Variants in PRKG1 observed in about 807,000 individuals in gnomAD.
PRKG1 encodes the protein protein kinase cGMP-dependent 1.
In PRKG1, 35 loss-of-function variants were observed where a neutral mutation model predicts 88.1. The observed-to-expected ratio is 0.40, with a 90% confidence interval of 0.30 to 0.53. The LOEUF (loss-of-function observed/expected upper bound fraction) is 0.53. Ranked by LOEUF, PRKG1 falls within the 20% of genes least tolerant of loss-of-function variation. PRKG1 has a pLI of 0.59. For missense variants in PRKG1, 540 were observed against 839.8 expected (o/e 0.64, Z 4.41); for synonymous variants, 303 against 292.5 (o/e 1.04, Z -0.37).
At chr10:52,024,422 T>C (rs2133197945) in intron 5 of PRKG1, among the ~76,000 whole-genome samples, 1 of 152,304 alleles carries the variant, frequency 6.6e-6, no homozygotes, top group South Asian at 2.1e-4. Flanking sequence ...GTTGGTTTGC[T>C]GCATTCATTA....
intron 3 of PRKG1, among the ~76,000 whole-genome samples, chr10:51,479,798 A>T (rs1269880434): frequency 6.6e-6 from 1 of 152,018 alleles, no homozygotes; most frequent in African/African-American, 2.4e-5. Flanking sequence ...GTGTCTTTCT[A>T]AAGATATGTT....
chr10:52,220,311 TCTC>T (rs755222170), intron 9 of PRKG1, among the ~76,000 whole-genome samples: 8 of 152,098 alleles, frequency 5.3e-5, no homozygotes, highest in African/African-American at 1.9e-4. Context: ...AGTGGGCCCT[TCTC>T]CTAACAACTA....
chr10:51,863,555 T>G (rs994684428), intron 4 of PRKG1, among the ~76,000 whole-genome samples: 9 of 152,180 alleles, frequency 5.9e-5, no homozygotes, highest in African/African-American at 9.7e-5. Flanking sequence ...TGCTAGAAAT[T>G]TAATACCCAA....
intron 1 of PRKG1, among the ~76,000 whole-genome samples, chr10:51,063,860 A>G (rs944568698): frequency 6.6e-6 from 1 of 152,210 alleles, no homozygotes; most frequent in East Asian, 1.9e-4. Context: ...AGAGGGTGCA[A>G]TTGTACCTTT....
chr10:50,991,193 GAAGCGGAT>G lies in PRKG1; in HGVS notation c.-185_-178del. On this transcript the variant is annotated 5_prime_UTR_variant, in exon 1 of 18. Transcript: ENST00000401604. The surrounding 1 kb of genome is among the most constrained non-coding windows in gnomAD (Gnocchi z 4.5). Reference sequence around the variant, plus strand: ...CTCGGTGCTTTTAGTCCATTCAGCAGAAGCGGATCGAAGCAGGAGGCTCCCCGCGCCGC... The same window carrying G: ...CTCGGTGCTTTTAGTCCATTCAGCAGCGAAGCAGGAGGCTCCCCGCGCCGC... 1.3e-6 allele frequency: 1 copy of G among 777,972 alleles called. No individual in the cohort carries two copies. The highest frequency in any genetic ancestry group is 1.9e-6 in the Non-Finnish European group (1 of 516,164). The allele number at this position is 777,972 out of a possible 1,614,324, so 48.2% of individuals were successfully genotyped here.
chr10:51,959,597 G>C lies in PRKG1; in HGVS notation c.762+52027G>C, dbSNP rs559711965. Among the ~76,000 whole-genome samples, 17 of 152,240 alleles carry C rather than the reference G, an allele frequency of 1.1e-4. No homozygotes were observed. In the East Asian group the frequency reaches 3.3e-3, roughly 29 times the overall value. ...TCACTGCTCCAGTTGGGTTTATTCA[G>C]TCTGTTGAGTGAGATCTAGGCAGTG... is the stretch of plus-strand genomic sequence containing the variant. On this transcript the variant is annotated intron_variant, in intron 5 of 17. Coordinates refer to ENST00000373980, the MANE Select transcript of PRKG1 (RefSeq NM_006258.4).
At chr10:51,735,822 A>T (rs973801606) in intron 3 of PRKG1, among the ~76,000 whole-genome samples, 2 of 145,678 alleles carry the variant, frequency 1.4e-5, no homozygotes, top group African/African-American at 5.0e-5. Flanking sequence ...CTGGTTGTGT[A>T]ACCCATGGAT....
At chr10:51,138,444 C>A (rs774849461) in intron 1 of PRKG1, among the ~76,000 whole-genome samples, 17 of 152,062 alleles carry the variant, frequency 1.1e-4, no homozygotes, top group Non-Finnish European at 2.4e-4. Context: ...CTATTGCCTG[C>A]CTTTCTGCAA....
At chr10:51,572,127 T>C (rs1837772588) in intron 3 of PRKG1, among the ~76,000 whole-genome samples, 1 of 151,934 alleles carries the variant, frequency 6.6e-6, no homozygotes, top group African/African-American at 2.4e-5. Flanking sequence ...TTTGCTTTAT[T>C]GATGGTTCCA....
chr10:51,299,516 C>T, intron 2 of PRKG1: 1 of 466,706 alleles, frequency 2.1e-6, no homozygotes, highest in South Asian at 1.5e-5. Context: ...TCTTTTTGCT[C>T]ATTCTTTAAA....
chr10:51,960,014 A>G (rs1480805223), intron 5 of PRKG1, among the ~76,000 whole-genome samples: 1 of 152,072 alleles, frequency 6.6e-6, no homozygotes, highest in East Asian at 1.9e-4. Context: ...ATATTCTCCT[A>G]GTAGAATCTA....
At chr10:51,963,739 C>T (rs1006601260) in intron 5 of PRKG1, among the ~76,000 whole-genome samples, 12 of 152,178 alleles carry the variant, frequency 7.9e-5, no homozygotes, top group Middle Eastern at 3.4e-3. Flanking sequence ...TGAGGCACTG[C>T]GCCAGCCTCA....
chr10:51,687,927 A>G (rs1329484630), intron 3 of PRKG1, among the ~76,000 whole-genome samples: 1 of 152,210 alleles, frequency 6.6e-6, no homozygotes, highest in African/African-American at 2.4e-5. Context: ...TTATCTGTGA[A>G]GGAACAAGAT....
chr10:51,110,073 C>T (rs994818393), intron 1 of PRKG1, among the ~76,000 whole-genome samples: 19 of 152,054 alleles, frequency 1.2e-4, no homozygotes, highest in South Asian at 4.1e-4. Context: ...TCAGAAGAAA[C>T]GAACTTATAC....
At chr10:51,132,514 T>G (rs1845590890) in intron 1 of PRKG1, among the ~76,000 whole-genome samples, 1 of 151,972 alleles carries the variant, frequency 6.6e-6, no homozygotes, top group South Asian at 2.1e-4. Flanking sequence ...AAGGTTAAAC[T>G]TTATTATTAA....
intron 5 of PRKG1, among the ~76,000 whole-genome samples, chr10:51,944,329 T>C (rs1842976613): frequency 6.6e-6 from 1 of 152,078 alleles, no homozygotes; most frequent in South Asian, 2.1e-4. Flanking sequence ...ATTGCGCCTA[T>C]TTGATTCTTT....
chr10:52,138,519 A>G (rs1316899630), intron 8 of PRKG1, among the ~76,000 whole-genome samples: 1 of 152,066 alleles, frequency 6.6e-6, no homozygotes, highest in Non-Finnish European at 1.5e-5. Flanking sequence ...GAATCACTCC[A>G]GGTGATTCTT....
intron 10 of PRKG1, among the ~76,000 whole-genome samples, chr10:52,262,972 T>A (rs898429927): frequency 3.9e-5 from 6 of 152,128 alleles, no homozygotes; most frequent in African/African-American, 1.4e-4. Context: ...GTATTTTCAA[T>A]CCTTGGTTGT....
chr10:51,887,145 C>T (rs1473710084), intron 4 of PRKG1, among the ~76,000 whole-genome samples: 3 of 152,094 alleles, frequency 2.0e-5, no homozygotes, highest in African/African-American at 7.2e-5. Context: ...ACACCATGCC[C>T]AGTTAATTTT....
Sources: allele counts gnomAD v4.1 joint callset (sites outside exome capture counted in the v4.1 genomes callset), GRCh38; gene constraint gnomAD v4.1.1; non-coding constraint Gnocchi (gnomAD v3.1); transcripts MANE v1.5; gene names NCBI Gene and HGNC (gene_info 2026-07-23, HGNC 2026-07-21).